Variants in TTLL9 observed in about 807,000 individuals in gnomAD.
The protein encoded by TTLL9 is tubulin tyrosine ligase like 9, also known as probable tubulin polyglutamylase TTLL9.
A neutral mutation model predicts 65.6 loss-of-function variants in TTLL9; 47 were observed. The observed-to-expected ratio is 0.72, with a 90% CI of 0.57 to 0.91. The LOEUF is 0.91. Among genes scored for constraint, TTLL9 ranks in the 40% least tolerant of loss-of-function variants. The probability of loss-of-function intolerance (pLI) is 0.00; values close to 1 mark genes in which losing one functional copy is unlikely to be tolerated. For synonymous variants in TTLL9, 179 were observed against 204.8 expected, an observed-to-expected ratio of 0.87 and a Z score of 1.07; for missense variants, 537 against 568.8, an observed-to-expected ratio of 0.94 and a Z score of 0.57.
At chr20:31,913,577 A>T (rs2063688412) in intron 6 of TTLL9, among the ~76,000 whole-genome samples, 1 of 151,994 alleles carries the variant, frequency 6.6e-6, no homozygotes, top group Admixed American at 6.6e-5. Context: ...TCTCCTCTGC[A>T]TTGTTTTCCT....
At chr20:31,941,568 T>A (rs995572131) in intron 14 of TTLL9, among the ~76,000 whole-genome samples, 84 of 93,664 alleles carry the variant, frequency 9.0e-4, no homozygotes, top group African/African-American at 2.3e-3. Flanking sequence ...TTTTTTATTA[T>A]TTTTTTTTGA....
At chr20:31,887,519 G>A (rs981650805) in intron 3 of TTLL9, among the ~76,000 whole-genome samples, 2 of 152,180 alleles carry the variant, frequency 1.3e-5, no homozygotes, top group East Asian at 3.8e-4. Context: ...AAAAGGCTAA[G>A]TGACTTGCTC....
intron 4 of TTLL9, among the ~76,000 whole-genome samples, chr20:31,907,936 A>T (rs1345358991): frequency 6.6e-6 from 1 of 151,832 alleles, no homozygotes; most frequent in African/African-American, 2.4e-5. Context: ...TCCTCCCCGC[A>T]CCCCAGCTCT....
In TTLL9 at chr20:31,932,471, C is replaced by CAAAAAAAAAAAA. The variant is rs58783829; in HGVS notation, c.749-1326_749-1315dup. 8.8e-4 allele frequency among the ~76,000 whole-genome samples: 76 copies of CAAAAAAAAAAAA among 86,436 alleles called. 2 individuals carry two copies. Among genetic ancestry groups the CAAAAAAAAAAAA allele is most frequent in the African/African-American group, 3.6e-3 (65 of 17,886 alleles). The allele number at this position is 86,436 out of a possible 152,430, so 56.7% of individuals were successfully genotyped here. On this transcript the variant is annotated intron_variant, in intron 10 of 14. Coordinates refer to ENST00000535842, the MANE Select transcript of TTLL9 (RefSeq NM_001008409.5). The stretch of plus-strand genomic sequence containing the variant: ...TGGGTGACAGAGCAAGACCCTGTCT[C>CAAAAAAAAAAAA]AAAAAAAAAAAAAAGGTCTAAAGAA...
chr20:31,873,842 AAGAAAGAAAGAAAG>A (rs1418076668), intron 2 of TTLL9, among the ~76,000 whole-genome samples: 42 of 139,330 alleles, frequency 3.0e-4, no homozygotes, highest in African/African-American at 1.1e-3. Context: ...GAAAGAAAGA[AAGAAAGAAAGAAAG>A]AAAGAAAGAA....
chr20:31,927,836 A>T (rs1258225250), intron 10 of TTLL9, among the ~76,000 whole-genome samples: 1 of 152,202 alleles, frequency 6.6e-6, no homozygotes, highest in Non-Finnish European at 1.5e-5. Flanking sequence ...ATCTCTCTGC[A>T]TTAATTTCCC....
chr20:31,893,439 C>T (rs1476518724), intron 3 of TTLL9, among the ~76,000 whole-genome samples: 12 of 151,932 alleles, frequency 7.9e-5, no homozygotes, highest in Admixed American at 3.3e-4. Flanking sequence ...TACAGGTACC[C>T]GCCACTACGC....
At chr20:31,872,864 G>A (rs968206508) in intron 2 of TTLL9, 28 of 425,634 alleles carry the variant, frequency 6.6e-5, no homozygotes, top group African/African-American at 4.2e-4. Context: ...GTTCAGGGCC[G>A]GAGCATGCAG....
chr20:31,940,753 C>G (rs1015423547), intron 14 of TTLL9: 2 of 152,194 alleles, frequency 1.3e-5, no homozygotes, highest in African/African-American at 4.8e-5. Flanking sequence ...CATGTGGCCA[C>G]TCGTCTTCCA....
rs994705697 is a variant in TTLL9, at chr20:31,944,392, T to C, written c.*1371T>C. 6.4e-6 allele frequency: 1 copy of C among 155,212 alleles called. No individual in the cohort carries two copies. The highest frequency in any genetic ancestry group is 1.4e-5 in the Non-Finnish European group (1 of 69,806). 9.6% of individuals were successfully genotyped at this position (155,212 alleles called of 1,614,324 possible). On this transcript the variant is annotated 3_prime_UTR_variant, in exon 15 of 15. Coordinates refer to ENST00000535842, the MANE Select transcript of TTLL9 (RefSeq NM_001008409.5). The stretch of plus-strand genomic sequence containing the variant: ...TTACATTTTAAAATAAGCAATATAT[T>C]CATACGGTTTAAAATCCAAAGTTTA...
intron 4 of TTLL9, among the ~76,000 whole-genome samples, chr20:31,900,003 G>T (rs1432198613): frequency 1.3e-5 from 2 of 152,086 alleles, no homozygotes; most frequent in Non-Finnish European, 2.9e-5. Context: ...CTCGTGATCC[G>T]CCCTCCTCGG....
chr20:31,920,860 T>C (rs1469450594), intron 7 of TTLL9: 1 of 152,642 alleles, frequency 6.6e-6, no homozygotes, highest in African/African-American at 2.4e-5. Context: ...ATTGGGGCTG[T>C]TGTGTCACCC....
chr20:31,923,002 G>T lies in TTLL9; in HGVS notation c.613G>T (p.Val205Leu), dbSNP rs770951589. 2 of 1,614,048 alleles carry T rather than the reference G, an allele frequency of 1.2e-6. No homozygotes were observed. The highest frequency in any genetic ancestry group is 2.2e-5 in the South Asian group (2 of 91,080). ...TGACGACCAGAAAGATGATATTCCC[G>T]TGGAGAACTATGTGGCTCAGCGTTA... Reference protein sequence around the residue: ...SSDDQKDDIPVENYVAQRYIE... With the variant: ...SSDDQKDDIPLENYVAQRYIE... The change falls in exon 8 of 15, where the codon GTG (valine) becomes TTG (leucine). Residue 205 changes from valine to leucine, a missense_variant. Physicochemically the swap from Val to Leu is conservative, Grantham distance 32. This residue lies in a region of TTLL9 where 320 missense variants were observed against 311.0 expected (regional missense o/e 1.03). Transcript: ENST00000535842.
At chr20:31,918,827 C>T (rs2063774764) in intron 6 of TTLL9, among the ~76,000 whole-genome samples, 1 of 152,244 alleles carries the variant, frequency 6.6e-6, no homozygotes, top group South Asian at 2.1e-4. Context: ...CCCTGAGCCA[C>T]CACCAGTGCT....
intron 3 of TTLL9, among the ~76,000 whole-genome samples, chr20:31,893,580 T>C (rs1276494028): frequency 6.6e-6 from 1 of 152,176 alleles, no homozygotes; most frequent in South Asian, 2.1e-4. Flanking sequence ...CGTAAGCCAC[T>C]GCGCCTAGCC....
chr20:31,941,463 C>A (rs2064208071), intron 14 of TTLL9, among the ~76,000 whole-genome samples: 1 of 152,124 alleles, frequency 6.6e-6, no homozygotes, highest in Non-Finnish European at 1.5e-5. Context: ...ACTACTGACG[C>A]CTGCCAGATC....
chr20:31,941,609 A>G (rs1453510318), intron 14 of TTLL9, among the ~76,000 whole-genome samples: 2 of 151,620 alleles, frequency 1.3e-5, no homozygotes, highest in Non-Finnish European at 2.9e-5. Context: ...CCCAGGCTGG[A>G]GTGCAGTGGT....
At chr20:31,884,872 A>C (rs1032538554) in intron 2 of TTLL9, among the ~76,000 whole-genome samples, 1 of 152,274 alleles carries the variant, frequency 6.6e-6, no homozygotes, top group Non-Finnish European at 1.5e-5. Flanking sequence ...TCTAGGGATC[A>C]GGACATGGAC....
In TTLL9 at chr20:31,871,176, G is replaced by C; in HGVS notation, c.50G>C (p.Arg17Thr). The C allele has an allele frequency of 6.2e-7, 1 of 1,614,154 alleles. No individual in the cohort carries two copies. Among genetic ancestry groups the C allele is most frequent in the Non-Finnish European group, 8.5e-7 (1 of 1,180,012 alleles). Reference protein sequence around the residue: ...ALLGPGTTAIRCPKKLQNQNY... With the variant: ...ALLGPGTTAITCPKKLQNQNY... Reference sequence around the variant, plus strand: ...CTGGGACCAGGCACAACTGCCATTAGGTGCCCCAAGAAATTACAGGTGAAT... The same window carrying C: ...CTGGGACCAGGCACAACTGCCATTACGTGCCCCAAGAAATTACAGGTGAAT... The change falls in exon 2 of 15, where the codon AGG (arginine) becomes ACG (threonine). Residue 17 changes from arginine (R) to threonine (T), a missense_variant. Transcript: ENST00000535842.
Sources: allele counts gnomAD v4.1 joint callset (sites outside exome capture counted in the v4.1 genomes callset), GRCh38; gene constraint gnomAD v4.1.1; regional missense constraint gnomAD v4.1.1; transcripts MANE v1.5; gene names NCBI Gene and HGNC (gene_info 2026-07-23, HGNC 2026-07-21).